The following DDB2 variants were observed in gnomAD, a reference collection of about 807,000 sequenced individuals.
DDB2 encodes the protein damage specific DNA binding protein 2.
In DDB2, 27 loss-of-function variants were observed where a neutral mutation model predicts 50.5. That is an observed-to-expected ratio of 0.53 (90% CI 0.39 to 0.74). The LOEUF (loss-of-function observed/expected upper bound fraction) is 0.74, where lower values mean the gene tolerates loss of function less well. Ranked by LOEUF, DDB2 falls within the 30% of genes least tolerant of loss-of-function variation. The pLI, the probability that DDB2 is intolerant of heterozygous loss-of-function variation, is 0.00. For synonymous variants in DDB2, 176 were observed against 205.5 expected, an observed-to-expected ratio of 0.86 and a Z score of 1.23; for missense variants, 424 against 545.6, an observed-to-expected ratio of 0.78 and a Z score of 2.22.
chr11:47,226,278 C>A (rs188963035), intron 3 of DDB2, among the ~76,000 whole-genome samples: 1 of 139,288 alleles, frequency 7.2e-6, no homozygotes, highest in Non-Finnish European at 1.6e-5. Flanking sequence ...CATTTATTTT[C>A]TTTTTTTTTT....
At position 47,235,294 on chromosome 11, in the gene DDB2, G is replaced by A. The variant is rs761699363; in HGVS notation, c.905G>A (p.Arg302Gln). The change falls in exon 7 of 10, where the codon CGG (arginine) becomes CAG (glutamine). Residue 302 changes from arginine to glutamine, a missense_variant. Transcript: ENST00000256996. ...GCTTGTTTCAGTCCCGATGGAGCCC[G>A]GCTCCTGACCACGGACCAGAAGAGC... ...NAACFSPDGA[R>Q]LLTTDQKSEI... The A allele has an allele frequency of 1.4e-5, 23 of 1,614,078 alleles. No individual in the cohort carries two copies. The highest frequency in any genetic ancestry group is 3.3e-5 in the Admixed American group (2 of 60,010).
At chr11:47,222,409 T>C (rs1413110650) in intron 3 of DDB2, among the ~76,000 whole-genome samples, 1 of 152,154 alleles carries the variant, frequency 6.6e-6, no homozygotes, top group Non-Finnish European at 1.5e-5. Context: ...CCAGGGATGA[T>C]CATGGTTCAG....
intron 3 of DDB2, among the ~76,000 whole-genome samples, chr11:47,217,628 A>C (rs2135486723): frequency 6.6e-6 from 1 of 151,212 alleles, no homozygotes; most frequent in Non-Finnish European, 1.5e-5. Context: ...GCAGTGGCTC[A>C]GGCCTGTAAT....
chr11:47,225,609 AC>A (rs1444715949), intron 3 of DDB2, among the ~76,000 whole-genome samples: 1 of 152,058 alleles, frequency 6.6e-6, no homozygotes, highest in African/African-American at 2.4e-5. Context: ...AAAAAAAAAA[AC>A]AAAAAACTGG....
At chr11:47,218,384 C>T (rs146590786) in intron 3 of DDB2, among the ~76,000 whole-genome samples, 19 of 152,114 alleles carry the variant, frequency 1.2e-4, no homozygotes, top group Middle Eastern at 6.8e-3. Context: ...TGTATACATA[C>T]GAGGTAATTA....
At chr11:47,222,505 G>C (rs898676531) in intron 3 of DDB2, among the ~76,000 whole-genome samples, 5 of 152,040 alleles carry the variant, frequency 3.3e-5, no homozygotes, top group African/African-American at 1.2e-4. Context: ...CACCATACCT[G>C]GCTAATTTTA....
intron 4 of DDB2, 131 bp from the exon 5 acceptor site, chr11:47,234,442 A>G (rs1176930846): frequency 1.3e-6 from 1 of 795,062 alleles, no homozygotes. Flanking sequence ...AATCCACGGC[A>G]AGACAGTTAT....
intron 3 of DDB2, among the ~76,000 whole-genome samples, chr11:47,219,898 C>G (rs1045152075): frequency 2.0e-5 from 3 of 152,230 alleles, no homozygotes; most frequent in Admixed American, 6.5e-5. Flanking sequence ...CGCGATTCTC[C>G]TGCCTCAGCC....
intron 3 of DDB2, among the ~76,000 whole-genome samples, chr11:47,226,376 A>C (rs533299565): frequency 1.3e-5 from 2 of 151,416 alleles, no homozygotes; most frequent in African/African-American, 4.8e-5. Context: ...CCTGAGTTCA[A>C]CTGATTCTCC....
chr11:47,235,769 T>G (rs1388960319), intron 7 of DDB2: 1 of 270,542 alleles, frequency 3.7e-6, no homozygotes, highest in African/African-American at 2.2e-5. Flanking sequence ...TTTTATTATT[T>G]TTTTTAAGGC....
intron 1 of DDB2, chr11:47,215,860 C>T: frequency 3.7e-6 from 1 of 272,286 alleles, no homozygotes; most frequent in Non-Finnish European, 7.2e-6. Context: ...ATTCTAATTT[C>T]ACTTACCTCC....
intron 3 of DDB2, among the ~76,000 whole-genome samples, chr11:47,232,445 A>C (rs981365232): frequency 9.9e-5 from 15 of 151,942 alleles, no homozygotes; most frequent in African/African-American, 3.4e-4. Context: ...TGAGCTTAGG[A>C]GTTCAAGACC....
intron 3 of DDB2, among the ~76,000 whole-genome samples, chr11:47,222,830 G>C (rs1010308995): frequency 1.3e-5 from 2 of 152,190 alleles, no homozygotes; most frequent in African/African-American, 4.8e-5. Flanking sequence ...TATAGAGTAG[G>C]AATGTTTTAA....
Position 47,226,971 on chromosome 11 carries a change from A to T in DDB2, c.457-5843A>T, listed in dbSNP as rs186552354. The stretch of plus-strand genomic sequence containing the variant: ...AAAGGACTTACTAAGTTAAAAAAAA[A>T]TTTTTTTTTATAGAGATTGGATCTT... On this transcript the variant is annotated intron_variant, in intron 3 of 9. Coordinates refer to ENST00000256996, the MANE Select transcript of DDB2 (RefSeq NM_000107.3). Among the ~76,000 whole-genome samples the T allele has an allele frequency of 8.9e-3, 1,333 of 149,670 alleles. 17 individuals are homozygous for T. Among genetic ancestry groups the T allele is most frequent in the African/African-American group, 0.031 (1,265 of 40,574 alleles).
chr11:47,215,409 T>C, intron 1 of DDB2, 146 bp downstream of exon 1: 2 of 1,181,470 alleles, frequency 1.7e-6, no homozygotes, highest in Non-Finnish European at 2.5e-6. Context: ...GCAGGTCCTT[T>C]GACACCAGAG....
At chr11:47,231,119 CAAAAA>C (rs139290057) in intron 3 of DDB2, among the ~76,000 whole-genome samples, 3 of 58,374 alleles carry the variant, frequency 5.1e-5, no homozygotes, top group Admixed American at 2.4e-4. Flanking sequence ...GCCTTCATCT[CAAAAA>C]AAAAAAAAAA....
intron 3 of DDB2, among the ~76,000 whole-genome samples, chr11:47,224,940 C>T (rs183195775): frequency 1.3e-5 from 2 of 151,594 alleles, no homozygotes; most frequent in Admixed American, 6.6e-5. Context: ...TTATTATTTC[C>T]TCTTCTTTCT....
At chr11:47,219,324 G>A (rs902505985) in intron 3 of DDB2, among the ~76,000 whole-genome samples, 2 of 151,912 alleles carry the variant, frequency 1.3e-5, no homozygotes, top group Non-Finnish European at 2.9e-5. Flanking sequence ...GTTCAATGGC[G>A]TTGGGTAAAT....
At chr11:47,215,477 A>C (rs1477700921) in intron 1 of DDB2, 6 of 622,486 alleles carry the variant, frequency 9.6e-6, no homozygotes, top group African/African-American at 9.1e-5. Flanking sequence ...GCTCCGTAAC[A>C]ACAGACACAC....
Sources: gnomAD v4.1 joint callset for allele counts (sites outside exome capture counted in the v4.1 genomes callset) on GRCh38, gnomAD v4.1.1 for gene constraint, MANE v1.5 for transcripts, NCBI Gene and HGNC (gene_info 2026-07-23, HGNC 2026-07-21) for gene names.